The following LRRC37A3 variants were observed in gnomAD, a reference collection of about 807,000 sequenced individuals.
The protein encoded by LRRC37A3 is leucine-rich repeat-containing protein 37A3.
A neutral mutation model predicts 106.2 loss-of-function variants in LRRC37A3; 25 were observed. That is an observed-to-expected ratio of 0.24 (90% CI 0.17 to 0.33). The LOEUF is 0.33. LRRC37A3 is among the 10% of genes least tolerant of loss of function. The probability of loss-of-function intolerance (pLI) is 1.00; values close to 1 mark genes in which losing one functional copy is unlikely to be tolerated. For missense variants in LRRC37A3, 712 were observed against 1,644.9 expected, an observed-to-expected ratio of 0.43 and a Z score of 9.81; for synonymous variants, 305 against 635.8, an observed-to-expected ratio of 0.48 and a Z score of 7.83.
intron 2 of LRRC37A3, among the ~76,000 whole-genome samples, chr17:64,917,476 C>T (rs568045247): frequency 7.2e-5 from 11 of 152,066 alleles, no homozygotes; most frequent in African/African-American, 2.4e-4. Context: ...GAAATGTTTA[C>T]GGCAGCTTTA....
chr17:64,861,077 A>G, intron 11 of LRRC37A3, 104 bp from the exon 12 acceptor site: 2 of 1,573,114 alleles, frequency 1.3e-6, no homozygotes, highest in South Asian at 1.1e-5. Context: ...GTCAGCAAAC[A>G]TTCGAGTGCC....
chr17:64,915,737 G>A (rs1251945558), intron 2 of LRRC37A3, among the ~76,000 whole-genome samples: 1 of 152,170 alleles, frequency 6.6e-6, no homozygotes. Flanking sequence ...GGGAGAAAAT[G>A]TATGAACATC....
At chr17:64,858,688 G>A (rs1972763594) in intron 13 of LRRC37A3, 91 bp downstream of exon 13, 1 of 956,832 alleles carries the variant, frequency 1.0e-6, no homozygotes, top group African/African-American at 1.6e-5. Context: ...GCAGCAGGTG[G>A]GAAAGTGGCT....
chr17:64,880,787 A>G (rs1973674170), intron 8 of LRRC37A3, among the ~76,000 whole-genome samples: 2 of 151,938 alleles, frequency 1.3e-5, no homozygotes, highest in Admixed American at 6.6e-5. Flanking sequence ...TCCCCTCCAA[A>G]TTCTTCTACA....
intron 13 of LRRC37A3, among the ~76,000 whole-genome samples, chr17:64,857,593 C>T (rs1204670428): frequency 2.0e-5 from 3 of 152,118 alleles, no homozygotes; most frequent in Non-Finnish European, 2.9e-5. Context: ...CAGGCTCAAG[C>T]GATCCTCCCA....
chr17:64,874,663 A>C (rs1973448024), intron 8 of LRRC37A3, among the ~76,000 whole-genome samples: 1 of 152,268 alleles, frequency 6.6e-6, no homozygotes, highest in African/African-American at 2.4e-5. Flanking sequence ...AAAAGGGGGA[A>C]ATGTGGGGAA....
chr17:64,909,499 A>G (rs1224766480), intron 2 of LRRC37A3: 7 of 152,220 alleles, frequency 4.6e-5, no homozygotes, highest in Admixed American at 3.3e-4. Flanking sequence ...TAAATTGTTT[A>G]AAGTAATCCC....
At chr17:64,918,977 C>T (rs1307317422) in intron 1 of LRRC37A3, 107 bp from the exon 2 acceptor site, 1 of 1,199,748 alleles carries the variant, frequency 8.3e-7, no homozygotes. Context: ...CAGGTGGCTG[C>T]CCCCGCCTCC....
At chr17:64,888,238 T>C (rs1464178423) in intron 6 of LRRC37A3, among the ~76,000 whole-genome samples, 6 of 142,172 alleles carry the variant, frequency 4.2e-5, no homozygotes, top group Non-Finnish European at 7.5e-5. Context: ...CCAAGATGTC[T>C]GTCTGGTGTT....
At position 64,866,611 on chromosome 17, in the gene LRRC37A3, TATATATATATATATA is replaced by T. The variant is rs1280898892; in HGVS notation, c.3053+1836_3053+1850del. 7.0e-4 allele frequency among the ~76,000 whole-genome samples: 15 copies of T among 21,318 alleles called. No individual in the cohort carries two copies. In the South Asian group the frequency reaches 0.018, roughly 26 times the overall value. The allele number at this position is 21,318 out of a possible 152,430, so 14.0% of individuals were successfully genotyped here. A position where few individuals can be genotyped will look rare whatever the true frequency, so the allele number is the denominator to read the frequency against. On this transcript the variant is annotated intron_variant, in intron 10 of 14. Coordinates refer to ENST00000584306, the MANE Select transcript of LRRC37A3 (RefSeq NM_199340.5). ...GTACATATATATATATATATATATA[TATATATATATATATA>T]TATTTTTTTTTTTTTTTTTTTTTAG...
intron 2 of LRRC37A3, among the ~76,000 whole-genome samples, chr17:64,904,256 G>C (rs1974397928): frequency 6.6e-6 from 1 of 152,268 alleles, no homozygotes; most frequent in Non-Finnish European, 1.5e-5. Flanking sequence ...GGGGCAAGAG[G>C]ATCACTTGAG....
chr17:64,869,657 C>T (rs1158841567), intron 8 of LRRC37A3, among the ~76,000 whole-genome samples: 1 of 149,826 alleles, frequency 6.7e-6, no homozygotes, highest in African/African-American at 2.5e-5. Flanking sequence ...TGTTCTGCCT[C>T]AGCCTTCCGA....
intron 10 of LRRC37A3, among the ~76,000 whole-genome samples, chr17:64,865,150 TTTTG>T (rs1973017547): frequency 6.6e-6 from 1 of 152,234 alleles, no homozygotes; most frequent in Non-Finnish European, 1.5e-5. Flanking sequence ...AAGGTGTTTC[TTTTG>T]TTTATTTTGA....
intron 13 of LRRC37A3, among the ~76,000 whole-genome samples, chr17:64,856,620 T>C (rs1350768498): frequency 6.6e-6 from 1 of 150,884 alleles, no homozygotes; most frequent in East Asian, 1.9e-4. Context: ...AATCTGAAGA[T>C]GTGGACCTGC....
At chr17:64,857,604 C>T (rs1473358193) in intron 13 of LRRC37A3, among the ~76,000 whole-genome samples, 5 of 152,190 alleles carry the variant, frequency 3.3e-5, no homozygotes, top group African/African-American at 1.2e-4. Flanking sequence ...GATCCTCCCA[C>T]TTCAGCCTCT....
intron 10 of LRRC37A3, among the ~76,000 whole-genome samples, chr17:64,864,604 T>C (rs1399704231): frequency 6.6e-6 from 1 of 151,948 alleles, no homozygotes; most frequent in African/African-American, 2.4e-5. Flanking sequence ...TCTTAGGCAG[T>C]ATAGCATGGT....
chr17:64,863,255 G>A lies in LRRC37A3; in HGVS notation c.3054-237C>T. On this transcript the variant is annotated intron_variant, in intron 10 of 14. Coordinates refer to ENST00000584306, the MANE Select transcript of LRRC37A3 (RefSeq NM_199340.5). ...TAAAGATGGTTGGGATTAGAATTGG[G>A]TGACAGTGATTAGTAGTTTCAGAAG... The A allele has an allele frequency of 5.5e-6, 3 of 549,450 alleles. No individual in the cohort carries two copies. In the South Asian group the frequency reaches 6.2e-5, roughly 11 times the overall value. 34.0% of individuals were successfully genotyped at this position (549,450 alleles called of 1,614,324 possible).
rs1972838368 is a variant in LRRC37A3, at chr17:64,860,692, C to T, written c.3454G>A (p.Ala1152Thr). The change falls in exon 12 of 15, where the codon GCA becomes ACA. Residue 1152 changes from alanine to threonine, a missense_variant. Ala to Thr is a moderately conservative substitution (Grantham distance 58, BLOSUM62 0). Transcript: ENST00000584306. ...TTTTTGCCTACAGTTTGAATCTTTG[C>T]CAGGCTGTTTCCTGTGGTTGGCAGT... ...IKLPTTGNSL[A>T]KIQTVGKNRQ... is the part of the protein sequence containing the mutation. 6.2e-7 allele frequency: 1 copy of T among 1,613,878 alleles called. No homozygotes were observed. The highest frequency in any genetic ancestry group is 1.3e-5 in the African/African-American group (1 of 74,898).
chr17:64,866,619 TATATATATA>T (rs1465551602), intron 10 of LRRC37A3, among the ~76,000 whole-genome samples: 341 of 25,818 alleles, frequency 0.013, 3 homozygotes, highest in Middle Eastern at 0.017. Flanking sequence ...TATATATATA[TATATATATA>T]TTTTTTTTTT....
Sources: gnomAD v4.1 joint callset for allele counts (sites outside exome capture counted in the v4.1 genomes callset) on GRCh38, gnomAD v4.1.1 for gene constraint, MANE v1.5 for transcripts, NCBI Gene and HGNC (gene_info 2026-07-23, HGNC 2026-07-21) for gene names.